Variants in KAZN observed in about 807,000 individuals in gnomAD.
KAZN encodes the protein kazrin.
Under a neutral mutation model 87.4 loss-of-function variants are expected in KAZN, and 40 were observed. The observed-to-expected ratio is 0.46, with a 90% confidence interval of 0.36 to 0.60. KAZN has a LOEUF of 0.60. KAZN is among the 20% of genes least tolerant of loss of function. The pLI, the probability that KAZN is intolerant of heterozygous loss-of-function variation, is 0.00. For missense variants in KAZN, 898 were observed against 1,073.9 expected, an observed-to-expected ratio of 0.84 and a Z score of 2.29; for synonymous variants, 466 against 458.3, an observed-to-expected ratio of 1.02 and a Z score of -0.22.
At chr1:14,994,645 T>A (rs575964838) in intron 2 of KAZN, among the ~76,000 whole-genome samples, 1 of 152,354 alleles carries the variant, frequency 6.6e-6, no homozygotes, top group South Asian at 2.1e-4. Flanking sequence ...TATCTGTTGT[T>A]CTTGGGCTTC....
intron 1 of KAZN, among the ~76,000 whole-genome samples, chr1:14,039,273 G>T (rs1641698674): frequency 6.6e-6 from 1 of 151,978 alleles, no homozygotes. Context: ...ATGGTAAATT[G>T]CAGAGCCAAG....
intron 8 of KAZN, chr1:15,065,981 C>T (rs1639197083): frequency 1.6e-5 from 22 of 1,353,918 alleles, no homozygotes; most frequent in Non-Finnish European, 2.1e-5. Context: ...ACCTCTCTCC[C>T]CTGCGTCGCC....
At chr1:13,990,844 A>G (rs1639247174) in intron 1 of KAZN, among the ~76,000 whole-genome samples, 1 of 152,224 alleles carries the variant, frequency 6.6e-6, no homozygotes, top group African/African-American at 2.4e-5. Flanking sequence ...TAATTGTAGA[A>G]TGAAGGAGGT....
chr1:14,297,022 G>A (rs1421775881), intron 2 of KAZN, among the ~76,000 whole-genome samples: 4 of 152,156 alleles, frequency 2.6e-5, no homozygotes, highest in African/African-American at 9.7e-5. Context: ...GACATGTCAT[G>A]ATGCTTTGGG....
At chr1:15,082,216 G>T (rs1640037696) in intron 8 of KAZN, among the ~76,000 whole-genome samples, 1 of 152,200 alleles carries the variant, frequency 6.6e-6, no homozygotes, top group Admixed American at 6.5e-5. Flanking sequence ...GGCCCAGCCA[G>T]GTGCAGGGAC....
intron 2 of KAZN, among the ~76,000 whole-genome samples, chr1:14,299,408 CAGG>C (rs1214358548): frequency 1.3e-5 from 2 of 151,996 alleles, no homozygotes; most frequent in Non-Finnish European, 2.9e-5. Flanking sequence ...GAGGCTGAGG[CAGG>C]AGAATTGTTT....
At chr1:14,936,457 G>A (rs1021524510) in intron 1 of KAZN, among the ~76,000 whole-genome samples, 1 of 152,160 alleles carries the variant, frequency 6.6e-6, no homozygotes, top group African/African-American at 2.4e-5. Context: ...CCCGCACCAT[G>A]GGATATGCCT....
At chr1:14,650,973 G>A (rs776662800) in intron 1 of KAZN, among the ~76,000 whole-genome samples, 51 of 152,196 alleles carry the variant, frequency 3.4e-4, no homozygotes, top group Non-Finnish European at 5.4e-4. Context: ...GTGGTAGAGG[G>A]AGAGGAGAAC....
chr1:14,732,315 T>C (rs1401609582), intron 1 of KAZN, among the ~76,000 whole-genome samples: 1 of 152,064 alleles, frequency 6.6e-6, no homozygotes, highest in African/African-American at 2.4e-5. Context: ...GGCACACAAG[T>C]TCCATTTGTA....
chr1:14,858,865 GTC>G (rs956772987), intron 1 of KAZN, among the ~76,000 whole-genome samples: 7 of 152,076 alleles, frequency 4.6e-5, no homozygotes, highest in Admixed American at 3.9e-4. Context: ...GTTGTCCTCG[GTC>G]TCTCATCATG....
At chr1:14,848,753 A>G (rs555295386) in intron 1 of KAZN, among the ~76,000 whole-genome samples, 4 of 152,270 alleles carry the variant, frequency 2.6e-5, no homozygotes, top group East Asian at 3.9e-4. Flanking sequence ...GCTATACATC[A>G]TCTCGCCAGG....
intron 1 of KAZN, among the ~76,000 whole-genome samples, chr1:14,906,212 T>C (rs1045503737): frequency 1.5e-5 from 2 of 137,906 alleles, no homozygotes; most frequent in African/African-American, 5.2e-5. Flanking sequence ...ATAATAATAA[T>C]AATAATACAG....
chr1:14,229,348 G>C (rs758071589), intron 2 of KAZN, among the ~76,000 whole-genome samples: 1 of 152,098 alleles, frequency 6.6e-6, no homozygotes, highest in Non-Finnish European at 1.5e-5. Context: ...AAAAGCCTTC[G>C]AGTGCTTCGT....
intron 1 of KAZN, among the ~76,000 whole-genome samples, chr1:14,689,326 G>T (rs1236925261): frequency 6.6e-6 from 1 of 152,204 alleles, no homozygotes; most frequent in Non-Finnish European, 1.5e-5. Flanking sequence ...CCTCTGTCTG[G>T]CAGTGACTCC....
In KAZN at chr1:14,831,952, TG is replaced by T. The variant is rs766579192; in HGVS notation, c.227-128729del. Among the ~76,000 whole-genome samples, 5 of 152,268 alleles carry T rather than the reference TG, an allele frequency of 3.3e-5. No homozygotes were observed. The East Asian group carries it at 7.7e-4, about 24-fold the overall frequency. ...GCTCACACCTGTACTCGCAGCACTT[TG>T]GGAGGCCGAGGGAGGTGAATCACCT... On this transcript the variant is annotated intron_variant, in intron 1 of 14. Transcript: ENST00000376030.
intron 1 of KAZN, among the ~76,000 whole-genome samples, chr1:14,875,331 CAAAAAA>C (rs58205013): frequency 3.9e-4 from 34 of 86,924 alleles, no homozygotes; most frequent in African/African-American, 1.4e-3. Context: ...AACTCTGTCT[CAAAAAA>C]AAAAAAAAAA....
chr1:14,629,651 A>G (rs909944054), intron 1 of KAZN, among the ~76,000 whole-genome samples: 1 of 152,126 alleles, frequency 6.6e-6, no homozygotes, highest in Non-Finnish European at 1.5e-5. Context: ...GTTCACATCC[A>G]CTAGGTAGGA....
chr1:14,946,504 A>AT (rs1439142680), intron 1 of KAZN, among the ~76,000 whole-genome samples: 1 of 151,854 alleles, frequency 6.6e-6, no homozygotes, highest in African/African-American at 2.4e-5. Context: ...CGCTTGGCTA[A>AT]TTTTTTGTAT....
intron 1 of KAZN, among the ~76,000 whole-genome samples, chr1:14,803,632 G>C (rs1418374113): frequency 6.6e-6 from 1 of 152,234 alleles, no homozygotes; most frequent in African/African-American, 2.4e-5. Flanking sequence ...AAATTAGGCA[G>C]AGCCACAAGT....
Sources: allele counts gnomAD v4.1 joint callset (sites outside exome capture counted in the v4.1 genomes callset), GRCh38; gene constraint gnomAD v4.1.1; transcripts MANE v1.5; gene names NCBI Gene and HGNC (gene_info 2026-07-23, HGNC 2026-07-21).